The following MERTK variants were observed in gnomAD, a reference collection of about 807,000 sequenced individuals.
MERTK encodes the protein tyrosine-protein kinase Mer.
Under a neutral mutation model 99.3 loss-of-function variants are expected in MERTK, and 69 were observed. The ratio of observed to expected loss-of-function variants is 0.70; its 90% CI spans 0.57 to 0.85. MERTK has a LOEUF of 0.85. MERTK is among the 40% of genes least tolerant of loss of function. MERTK has a pLI of 0.00. For synonymous variants in MERTK, 426 were observed against 467.6 expected, an observed-to-expected ratio of 0.91 and a Z score of 1.15; for missense variants, 1,125 against 1,249.4, an observed-to-expected ratio of 0.90 and a Z score of 1.50.
At chr2:111,998,167 G>C (rs1299293700) in intron 10 of MERTK, among the ~76,000 whole-genome samples, 1 of 152,182 alleles carries the variant, frequency 6.6e-6, no homozygotes, top group Non-Finnish European at 1.5e-5. Context: ...CTTTATTTGT[G>C]TTCATCCCAG....
intron 13 of MERTK, 101 bp downstream of exon 13, chr2:112,004,085 C>T: frequency 1.0e-6 from 1 of 999,676 alleles, no homozygotes; most frequent in Non-Finnish European, 1.6e-6. Context: ...TCCCAGTGGG[C>T]CAGAAGGCAA....
Position 112,028,513 on chromosome 2 carries a change from C to G in MERTK, c.2649C>G (p.Gly883=). ...CACAGTTGCTGGAGAGCTCTGAGGG[C>G]CTGGCCCAGGGCTCCACCCTTGCTC... ...VNTQLLESSE[G]LAQGSTLAPL... Residue 883 remains glycine (G), a synonymous_variant, in exon 19 of 19, where the codon GGC becomes GGG. Transcript: ENST00000295408. The G allele has an allele frequency of 6.2e-7, 1 of 1,614,176 alleles. No individual in the cohort carries two copies. Among genetic ancestry groups the G allele is most frequent in the South Asian group, 1.1e-5 (1 of 91,084 alleles).
At chr2:111,913,654 G>A (rs1230549984) in intron 1 of MERTK, among the ~76,000 whole-genome samples, 1 of 151,996 alleles carries the variant, frequency 6.6e-6, no homozygotes, top group Non-Finnish European at 1.5e-5. Flanking sequence ...AGCGATTCTT[G>A]TGCCTCAGCC....
chr2:111,935,482 A>G (rs1684748199), intron 2 of MERTK, among the ~76,000 whole-genome samples: 1 of 152,184 alleles, frequency 6.6e-6, no homozygotes, highest in African/African-American at 2.4e-5. Flanking sequence ...TTGCAATCAA[A>G]TCTCAGTTAA....
chr2:111,924,414 G>A (rs72823490), intron 1 of MERTK, among the ~76,000 whole-genome samples: 3,191 of 152,260 alleles, frequency 0.021, 56 homozygotes, highest in Middle Eastern at 0.068. Context: ...GTGTCAGACT[G>A]ACTTTCCTTT....
At chr2:112,010,732 A>G (rs1199228842) in intron 15 of MERTK, among the ~76,000 whole-genome samples, 1 of 152,158 alleles carries the variant, frequency 6.6e-6, no homozygotes, top group Non-Finnish European at 1.5e-5. Flanking sequence ...TTCATTTCCT[A>G]GGCCTCCTTA....
At chr2:111,969,764 T>C (rs1170467587) in intron 6 of MERTK, among the ~76,000 whole-genome samples, 2 of 148,484 alleles carry the variant, frequency 1.3e-5, no homozygotes, top group Non-Finnish European at 3.0e-5. Context: ...CGATCTCAGC[T>C]CACTGCAAGC....
At chr2:112,023,016 G>C (rs2104425183) in intron 18 of MERTK, among the ~76,000 whole-genome samples, 1 of 152,258 alleles carries the variant, frequency 6.6e-6, no homozygotes, top group Admixed American at 6.5e-5. Context: ...AGTGGCTCAT[G>C]CACGTTATCC....
At chr2:111,938,753 G>A (rs1684809089) in intron 2 of MERTK, among the ~76,000 whole-genome samples, 1 of 152,154 alleles carries the variant, frequency 6.6e-6, no homozygotes, top group Non-Finnish European at 1.5e-5. Flanking sequence ...AGCAGTGGTA[G>A]AACATTCTGA....
chr2:111,928,216 C>CCTTTTT (rs1558774697), intron 1 of MERTK, among the ~76,000 whole-genome samples: 1 of 84,848 alleles, frequency 1.2e-5, no homozygotes, highest in Non-Finnish European at 2.2e-5. Context: ...CCATGAGCAG[C>CCTTTTT]TTTTTTTTTT....
chr2:111,899,447 A>G (rs1359025741), intron 1 of MERTK, among the ~76,000 whole-genome samples: 1 of 152,112 alleles, frequency 6.6e-6, no homozygotes, highest in East Asian at 1.9e-4. Flanking sequence ...CACTCCTGTT[A>G]TGGCAGAACA....
At chr2:111,912,601 A>G (rs1684271705) in intron 1 of MERTK, among the ~76,000 whole-genome samples, 1 of 152,124 alleles carries the variant, frequency 6.6e-6, no homozygotes, top group Non-Finnish European at 1.5e-5. Context: ...CCAGTCCTGC[A>G]CATCTTATAG....
chr2:111,915,027 G>A (rs1372017786), intron 1 of MERTK, among the ~76,000 whole-genome samples: 1 of 152,078 alleles, frequency 6.6e-6, no homozygotes, highest in East Asian at 1.9e-4. Flanking sequence ...CTGGAGATTT[G>A]TTTTTCGGTA....
intron 18 of MERTK, among the ~76,000 whole-genome samples, chr2:112,024,055 A>C (rs547870566): frequency 2.8e-4 from 42 of 152,334 alleles, no homozygotes; most frequent in African/African-American, 1.0e-3. Flanking sequence ...TTGTGGTGGT[A>C]GATGTATAAC....
intron 2 of MERTK, among the ~76,000 whole-genome samples, chr2:111,943,149 G>A (rs1684895095): frequency 6.6e-6 from 1 of 152,104 alleles, no homozygotes; most frequent in African/African-American, 2.4e-5. Context: ...ACAGCTTCCT[G>A]GTTTCTTTTA....
intron 2 of MERTK, among the ~76,000 whole-genome samples, chr2:111,944,611 A>G (rs560848727): frequency 1.1e-4 from 5 of 46,530 alleles, no homozygotes; most frequent in Admixed American, 4.6e-4. Context: ...TTGATGTTGC[A>G]GTCTTGAGTC....
chr2:111,966,206 G>C (rs1450204859), intron 5 of MERTK, among the ~76,000 whole-genome samples: 1 of 152,138 alleles, frequency 6.6e-6, no homozygotes, highest in East Asian at 1.9e-4. Flanking sequence ...CAAGGAAAAA[G>C]GAGAACTTGT....
chr2:111,985,553 C>A (rs1378300361), intron 8 of MERTK, among the ~76,000 whole-genome samples: 3 of 152,150 alleles, frequency 2.0e-5, no homozygotes, highest in Non-Finnish European at 4.4e-5. Flanking sequence ...TAAAGACATA[C>A]CTGAGACTAG....
At chr2:111,977,691 T>G (rs1016596950) in intron 7 of MERTK, among the ~76,000 whole-genome samples, 3 of 152,204 alleles carry the variant, frequency 2.0e-5, no homozygotes, top group African/African-American at 7.2e-5. Context: ...ACATATATAT[T>G]AGACCATTTG....
Sources: gnomAD v4.1 joint callset for allele counts (sites outside exome capture counted in the v4.1 genomes callset) on GRCh38, gnomAD v4.1.1 for gene constraint, MANE v1.5 for transcripts, NCBI Gene and HGNC (gene_info 2026-07-23, HGNC 2026-07-21) for gene names.